EIF4G2: variants seen among roughly 807,000 people sequenced by gnomAD.
EIF4G2 encodes the protein eukaryotic translation initiation factor 4 gamma 2.
A neutral mutation model predicts 117.7 loss-of-function variants in EIF4G2; 8 were observed. The ratio of observed to expected loss-of-function variants is 0.07; its 90% confidence interval spans 0.04 to 0.12. EIF4G2 has a LOEUF of 0.12. Among genes scored for constraint, EIF4G2 ranks in the 10% least tolerant of loss-of-function variants. EIF4G2 has a pLI of 1.00. For synonymous variants in EIF4G2, 413 were observed against 367.8 expected (o/e 1.12, Z -1.41); for missense variants, 812 against 1,086.2 (o/e 0.75, Z 3.55).
At chr11:10,804,631 T>C in intron 5 of EIF4G2, 1 of 647,202 alleles carries the variant, frequency 1.5e-6, no homozygotes. Context: ...TACAATGCAT[T>C]TCCAAGACCT....
intron 15 of EIF4G2, 41 bp downstream of exon 15, chr11:10,800,921 T>G (rs1847399090): frequency 1.2e-6 from 2 of 1,612,392 alleles, no homozygotes; most frequent in Admixed American, 1.7e-5. Flanking sequence ...AAAAAAGTCT[T>G]CAGATATCTT....
In EIF4G2 at chr11:10,802,424, C is replaced by G; in HGVS notation, c.1008G>C (p.Val336=). 1 of 1,606,028 alleles carries G rather than the reference C, an allele frequency of 6.2e-7. No homozygotes were observed. The highest frequency in any genetic ancestry group is 8.5e-7 in the Non-Finnish European group (1 of 1,177,136). Residue 336 remains valine, a synonymous_variant, in exon 12 of 22, where the codon GTG becomes GTC. Coordinates refer to ENST00000339995, the MANE Select transcript of EIF4G2 (RefSeq NM_001418.4). ...CTTGAGCCATAGGAGCAGGAATAAA[C>G]ACCCCTAGATCCTTTAGAAATGAAG...
Position 10,797,534 on chromosome 11 carries a change from G to T in EIF4G2, c.*282C>A. 1 of 363,268 alleles carries T rather than the reference G, an allele frequency of 2.8e-6. No individual in the cohort carries two copies. The highest frequency in any genetic ancestry group is 5.0e-6 in the Non-Finnish European group (1 of 198,976). 22.5% of individuals were successfully genotyped at this position (363,268 alleles called of 1,614,324 possible). A position where few individuals can be genotyped will look rare whatever the true frequency, so the allele number is the denominator to read the frequency against. ...ATAACTGGCAGCAAAGAAGGTCCTT[G>T]CAATAGACTGCCTCTGCTTGAGAAC... On this transcript the variant is annotated 3_prime_UTR_variant, in exon 22 of 22. Coordinates refer to ENST00000339995, the MANE Select transcript of EIF4G2 (RefSeq NM_001418.4). This position sits in a 1 kb window ranked among gnomAD's most constrained non-coding sequence, Gnocchi z 4.5.
In EIF4G2 at chr11:10,803,875, G is replaced by A. The variant is rs79260740; in HGVS notation, c.702+24C>T. 1.7e-4 allele frequency: 275 copies of A among 1,597,614 alleles called. 3 individuals carry two copies. In the African/African-American group the frequency reaches 3.2e-3, roughly 19 times the overall value. ...TTCCTCCAAACGACTGACTACATTC[G>A]CCTAACTTCCCTGTCACACTTACTG... On this transcript the variant is annotated intron_variant, in intron 8 of 21. Coordinates refer to ENST00000339995, the MANE Select transcript of EIF4G2 (RefSeq NM_001418.4). The surrounding 1 kb of genome is among the most constrained non-coding windows in gnomAD (Gnocchi z 4.0).
intron 1 of EIF4G2, chr11:10,808,197 T>C: frequency 8.9e-7 from 1 of 1,122,812 alleles, no homozygotes; most frequent in African/African-American, 1.7e-5. Flanking sequence ...CCTCCTCTGC[T>C]GACAAAAGGG....
In EIF4G2 at chr11:10,805,956, AGTT is replaced by A. The variant is rs1847556247; in HGVS notation, c.196_198del (p.Asn66del). 1 of 1,613,988 alleles carries A rather than the reference AGTT, an allele frequency of 6.2e-7. No individual in the cohort carries two copies. Among genetic ancestry groups the A allele is most frequent in the African/African-American group, 1.3e-5 (1 of 74,982 alleles). ...TCATGTCGTTCTTTTTCGTTTGCGG[AGTT>A]GTTTGCTGCGGAGTTGTCATCTCGT... On this transcript the variant is annotated inframe_deletion, in exon 4 of 22. Coordinates refer to ENST00000339995, the MANE Select transcript of EIF4G2 (RefSeq NM_001418.4).
At chr11:10,798,027 T>C (rs542088653) in intron 21 of EIF4G2, 146 bp from the exon 22 acceptor site, 1 of 696,434 alleles carries the variant, frequency 1.4e-6, no homozygotes, top group South Asian at 1.8e-5. Flanking sequence ...CGAACAGTGG[T>C]ATATTATCCA....
At position 10,808,873 on chromosome 11, in the gene EIF4G2, AGCCGCCACTCGGTACCCGCT is replaced by A. The variant is rs1404431286; in HGVS notation, c.-275_-256del. On this transcript the variant is annotated 5_prime_UTR_variant, in exon 1 of 22. An upstream open reading frame in the 5' UTR gains an earlier in-frame stop. Transcript: ENST00000339995. ...CTCAGCTCAGAGGAGTCGCTGCTGC[AGCCGCCACTCGGTACCCGCT>A]GCCACCTCCATAGAGCTCCGACTCA... 2 of 157,484 alleles carry A rather than the reference AGCCGCCACTCGGTACCCGCT, an allele frequency of 1.3e-5. No homozygotes were observed. 9.8% of individuals were successfully genotyped at this position (157,484 alleles called of 1,614,324 possible).
At chr11:10,801,264 C>G in intron 14 of EIF4G2, 177 bp from the exon 15 acceptor site, 2 of 725,918 alleles carry the variant, frequency 2.8e-6, no homozygotes, top group Middle Eastern at 4.0e-4. Context: ...ATTTAAAGAT[C>G]TGATGCATAC....
rs994465777 is a variant in EIF4G2, at chr11:10,807,089, G to A, written c.41+166C>T. 3.3e-6 allele frequency: 4 copies of A among 1,199,730 alleles called. No homozygotes were observed. The South Asian group carries it at 6.0e-5, about 18-fold the overall frequency. 74.3% of individuals were successfully genotyped at this position (1,199,730 alleles called of 1,614,324 possible). On this transcript the variant is annotated intron_variant, in intron 2 of 21. Transcript: ENST00000339995. Reference sequence around the variant, plus strand: ...GGACCCAAAGGAAAGGCAAATAATTGATTTTATTTATTCTTCAGATGGCAG... The same window carrying A: ...GGACCCAAAGGAAAGGCAAATAATTAATTTTATTTATTCTTCAGATGGCAG...
At chr11:10,806,997 T>C in intron 2 of EIF4G2, 112 bp from the exon 3 acceptor site, 2 of 1,318,654 alleles carry the variant, frequency 1.5e-6, no homozygotes, top group Non-Finnish European at 2.1e-6. Flanking sequence ...CTCGCTATTT[T>C]GCCCAGACTG....
chr11:10,801,864 AG>A lies in EIF4G2; in HGVS notation c.1300-91del, dbSNP rs112367188. ...ACCAAAGGGATGAGCCAAGCCATAA[AG>A]TTAGTTTAACTGAATTTGCCCAGAG... On this transcript the variant is annotated intron_variant, in intron 13 of 21. Transcript: ENST00000339995. 6.8e-5 allele frequency: 86 copies of A among 1,272,804 alleles called. No individual in the cohort carries two copies. The African/African-American group carries it at 1.1e-3, about 16-fold the overall frequency. 78.8% of individuals were successfully genotyped at this position (1,272,804 alleles called of 1,614,324 possible).
intron 2 of EIF4G2, 95 bp from the exon 3 acceptor site, chr11:10,806,980 T>C (rs1847593488): frequency 4.2e-6 from 6 of 1,441,238 alleles, no homozygotes; most frequent in East Asian, 2.3e-5. Context: ...CTTGTAGAGA[T>C]GGGGGTCTCG....
intron 5 of EIF4G2, 153 bp from the exon 6 acceptor site, chr11:10,804,571 G>T: frequency 2.1e-6 from 2 of 949,390 alleles, no homozygotes; most frequent in Non-Finnish European, 3.0e-6. Context: ...TCTCCTGGGA[G>T]TCAGAAAATG....
At chr11:10,798,852 T>C in intron 21 of EIF4G2, 140 bp downstream of exon 21, 1 of 973,134 alleles carries the variant, frequency 1.0e-6, no homozygotes, top group Non-Finnish European at 1.5e-6. Flanking sequence ...CTTCAAATAG[T>C]GCAGAATGAA....
At chr11:10,799,864 T>C (rs1340817908) in intron 18 of EIF4G2, 108 bp from the exon 19 acceptor site, 1 of 1,342,940 alleles carries the variant, frequency 7.4e-7, no homozygotes, top group East Asian at 2.4e-5. Context: ...AAGATCCATG[T>C]AGCAGAATAG....
rs1847518619 is a variant in EIF4G2, at chr11:10,804,850, A to G, written c.351+63T>C. The G allele has an allele frequency of 5.0e-6, 7 of 1,402,868 alleles. No individual in the cohort carries two copies. In the East Asian group the frequency reaches 1.1e-4, roughly 23 times the overall value. The allele number at this position is 1,402,868 out of a possible 1,614,324, so 86.9% of individuals were successfully genotyped here. Reference sequence around the variant, plus strand: ...AGTAGTAATCCAAGTGTAAAAAAACACAACTTGAGTTTGTTAAACAGTTCC... The same window carrying G: ...AGTAGTAATCCAAGTGTAAAAAAACGCAACTTGAGTTTGTTAAACAGTTCC... On this transcript the variant is annotated intron_variant, in intron 5 of 21. Coordinates refer to ENST00000339995, the MANE Select transcript of EIF4G2 (RefSeq NM_001418.4).
In EIF4G2 at chr11:10,804,937, G is replaced by A; in HGVS notation, c.327C>T (p.Leu109=). 6.2e-7 allele frequency: 1 copy of A among 1,614,034 alleles called. No homozygotes were observed. The highest frequency in any genetic ancestry group is 8.5e-7 in the Non-Finnish European group (1 of 1,179,926). Residue 109 remains leucine (L), a synonymous_variant, in exon 5 of 22, where the codon CTC becomes CTT. Transcript: ENST00000339995. Reference sequence around the variant, plus strand: ...CCAGCAGTATGACCCCTTTAAGGATGAGTTTAGACTCTACACCCACATTGA... The same window carrying A: ...CCAGCAGTATGACCCCTTTAAGGATAAGTTTAGACTCTACACCCACATTGA...
At chr11:10,802,603 A>C (rs1169500705) in intron 11 of EIF4G2, among the ~76,000 whole-genome samples, 168 bp from the exon 12 acceptor site, 3 of 152,256 alleles carry the variant, frequency 2.0e-5, no homozygotes, top group Admixed American at 6.5e-5. Context: ...ATGATGGCTC[A>C]CATCTGTAAT....
Sources: allele counts gnomAD v4.1 joint callset (sites outside exome capture counted in the v4.1 genomes callset), GRCh38; gene constraint gnomAD v4.1.1; non-coding constraint Gnocchi (gnomAD v3.1); transcripts MANE v1.5; gene names NCBI Gene and HGNC (gene_info 2026-07-23, HGNC 2026-07-21).